AKAP6: variants seen among roughly 807,000 people sequenced by gnomAD.
AKAP6 encodes the protein A-kinase anchor protein 6.
In AKAP6, 58 loss-of-function variants were observed where a neutral mutation model predicts 188.5. The ratio of observed to expected loss-of-function variants is 0.31; its 90% confidence interval spans 0.25 to 0.38. AKAP6 has a LOEUF of 0.38. Among genes scored for constraint, AKAP6 ranks in the 10% least tolerant of loss-of-function variants. The pLI is 1.00. For missense variants in AKAP6, 2,710 were observed against 2,740.0 expected, an observed-to-expected ratio of 0.99 and a Z score of 0.24; for synonymous variants, 989 against 998.6, an observed-to-expected ratio of 0.99 and a Z score of 0.18.
At position 32,398,821 on chromosome 14, in the gene AKAP6, C is replaced by CCT. The variant is rs1482831090; in HGVS notation, c.-34-34626_-34-34625dup. On this transcript the variant is annotated intron_variant, in intron 1 of 13. Transcript: ENST00000280979. ...CTCTCTCTCCCCCTCCCCCTCTCTC[C>CCT]CTCTCTCTCTCTCTTTCTTCCTGTT... Among the ~76,000 whole-genome samples the CCT allele has an allele frequency of 3.7e-5, 5 of 133,972 alleles. No homozygotes were observed. The East Asian group carries it at 7.5e-4, about 20-fold the overall frequency. 87.9% of individuals were successfully genotyped at this position (133,972 alleles called of 152,430 possible).
At chr14:32,477,901 T>C (rs566437819) in intron 2 of AKAP6, among the ~76,000 whole-genome samples, 6 of 152,044 alleles carry the variant, frequency 3.9e-5, no homozygotes, top group African/African-American at 1.2e-4. Flanking sequence ...ATCTACCTCA[T>C]GGAGGTGCAA....
At chr14:32,794,541 A>C (rs2033705980) in intron 12 of AKAP6, among the ~76,000 whole-genome samples, 2 of 152,150 alleles carry the variant, frequency 1.3e-5, no homozygotes. Context: ...GCCTGGGCAA[A>C]AGAATGAGAC....
chr14:32,775,423 C>T lies in AKAP6; in HGVS notation c.3588+1530C>T, dbSNP rs1361280742. Among the ~76,000 whole-genome samples, 14 of 147,828 alleles carry T rather than the reference C, an allele frequency of 9.5e-5. No individual in the cohort carries two copies. In the East Asian group the frequency reaches 2.0e-3, roughly 22 times the overall value. On this transcript the variant is annotated intron_variant, in intron 12 of 13. Coordinates refer to ENST00000280979, the MANE Select transcript of AKAP6 (RefSeq NM_004274.5). ...CAGTTCTCTGCAGACTAGATGTAGA[C>T]ATTTTTATCCTTTTTTTTTTTTTTT...
At chr14:32,409,739 A>G (rs1250357371) in intron 1 of AKAP6, among the ~76,000 whole-genome samples, 1 of 152,206 alleles carries the variant, frequency 6.6e-6, no homozygotes, top group African/African-American at 2.4e-5. Context: ...CTTGTAAACA[A>G]TGTGAAAGGT....
chr14:32,620,281 G>A (rs973994121), intron 7 of AKAP6, among the ~76,000 whole-genome samples: 2 of 152,180 alleles, frequency 1.3e-5, no homozygotes, highest in South Asian at 2.1e-4. Flanking sequence ...TCCCCATTCG[G>A]TATGACATTG....
intron 8 of AKAP6, among the ~76,000 whole-genome samples, chr14:32,686,005 T>C (rs1889909336): frequency 6.6e-6 from 1 of 152,206 alleles, no homozygotes; most frequent in South Asian, 2.1e-4. Context: ...TGTTGCAGCA[T>C]TGTTCACAAT....
At chr14:32,428,566 G>A (rs1251785516) in intron 1 of AKAP6, among the ~76,000 whole-genome samples, 1 of 152,136 alleles carries the variant, frequency 6.6e-6, no homozygotes, top group African/African-American at 2.4e-5. Flanking sequence ...ACCATTTACA[G>A]TGAGTACAAT....
chr14:32,357,535 C>T (rs1887521936), intron 1 of AKAP6, among the ~76,000 whole-genome samples: 1 of 152,164 alleles, frequency 6.6e-6, no homozygotes, highest in South Asian at 2.1e-4. Flanking sequence ...CCAAAAAAGT[C>T]AGGAATATGT....
chr14:32,354,966 T>C (rs972372739), intron 1 of AKAP6, among the ~76,000 whole-genome samples: 2 of 152,188 alleles, frequency 1.3e-5, no homozygotes, highest in African/African-American at 4.8e-5. Flanking sequence ...GGTGGACATA[T>C]GACCCTGAGT....
At chr14:32,643,010 A>T (rs1450346243) in intron 7 of AKAP6, among the ~76,000 whole-genome samples, 1 of 152,212 alleles carries the variant, frequency 6.6e-6, no homozygotes, top group African/African-American at 2.4e-5. Flanking sequence ...ATGACAGCAT[A>T]AAAGAATAAA....
At chr14:32,524,703 A>G (rs755018503) in intron 2 of AKAP6, among the ~76,000 whole-genome samples, 10 of 152,170 alleles carry the variant, frequency 6.6e-5, no homozygotes, top group Non-Finnish European at 1.3e-4. Context: ...TATTTGTGTA[A>G]TATCAGTGGT....
chr14:32,691,671 G>T (rs1890184263), intron 8 of AKAP6, among the ~76,000 whole-genome samples: 1 of 152,002 alleles, frequency 6.6e-6, no homozygotes, highest in South Asian at 2.1e-4. Flanking sequence ...CAATTCACCT[G>T]CCTCAGCCTC....
intron 1 of AKAP6, among the ~76,000 whole-genome samples, chr14:32,400,577 A>AAAAAAAAAAAAAAAAAAAAAC: frequency 6.7e-6 from 1 of 150,248 alleles, no homozygotes; most frequent in African/African-American, 2.4e-5. Flanking sequence ...AAAAAAAAAA[A>AAAAAAAAAAAAAAAAAAAAAC]AAGACAGTAA....
intron 12 of AKAP6, among the ~76,000 whole-genome samples, chr14:32,794,375 C>A (rs2140065354): frequency 6.6e-6 from 1 of 152,182 alleles, no homozygotes; most frequent in Non-Finnish European, 1.5e-5. Context: ...GCCTGGCCAA[C>A]ATGGTGAAAA....
chr14:32,750,924 A>AT (rs2032108992), intron 11 of AKAP6, among the ~76,000 whole-genome samples: 2 of 151,308 alleles, frequency 1.3e-5, no homozygotes, highest in South Asian at 4.2e-4. Flanking sequence ...TTTAGTAGAG[A>AT]TGGGGTTTCA....
intron 1 of AKAP6, among the ~76,000 whole-genome samples, chr14:32,370,463 A>T (rs1449505572): frequency 6.6e-6 from 1 of 152,216 alleles, no homozygotes; most frequent in Non-Finnish European, 1.5e-5. Flanking sequence ...AACACAAATA[A>T]TGAGGGAGTT....
At position 32,733,611 on chromosome 14, in the gene AKAP6, A is replaced by T. The variant is rs79558635; in HGVS notation, c.3147+1011A>T. 9 of 152,302 alleles carry T rather than the reference A, an allele frequency of 5.9e-5. No individual in the cohort carries two copies. In the East Asian group the frequency reaches 1.7e-3, roughly 29 times the overall value. The allele number at this position is 152,302 out of a possible 1,614,324, so 9.4% of individuals were successfully genotyped here. ...TATGCCATGCCTAATCTAGGAGATT[A>T]AAAAACTGCAGGTTTAAGTCCTTGT... On this transcript the variant is annotated intron_variant, in intron 10 of 13. Transcript: ENST00000280979.
At chr14:32,609,856 GTCTCTC>G (rs112327950) in intron 7 of AKAP6, among the ~76,000 whole-genome samples, 7,978 of 136,958 alleles carry the variant, frequency 0.058, 685 homozygotes, top group African/African-American at 0.19. Context: ...TATTCATGAG[GTCTCTC>G]TCTCTCTCTC....
intron 2 of AKAP6, among the ~76,000 whole-genome samples, chr14:32,510,412 A>ATGTATATATATACGTATATATATGTG (rs1566546526): frequency 1.7e-4 from 16 of 92,090 alleles, no homozygotes; most frequent in Admixed American, 6.0e-4. Flanking sequence ...ATGTATATAT[A>ATGTATATATATACGTATATATATGTG]TGTATATATA....
Sources: allele counts gnomAD v4.1 joint callset (sites outside exome capture counted in the v4.1 genomes callset), GRCh38; gene constraint gnomAD v4.1.1; transcripts MANE v1.5; gene names NCBI Gene and HGNC (gene_info 2026-07-23, HGNC 2026-07-21).